LRCH1: variants seen among roughly 807,000 people sequenced by gnomAD.
LRCH1 encodes leucine-rich repeat and calponin homology domain-containing protein 1.
A neutral mutation model predicts 94.9 loss-of-function variants in LRCH1; 23 were observed. The observed-to-expected ratio is 0.24, with a 90% CI of 0.17 to 0.34. The LOEUF (loss-of-function observed/expected upper bound fraction) is 0.34. Ranked by LOEUF, LRCH1 falls within the 10% of genes least tolerant of loss-of-function variation. LRCH1 has a pLI of 1.00. For synonymous variants in LRCH1, 364 were observed against 354.9 expected (o/e 1.03, Z -0.29); for missense variants, 790 against 945.9 (o/e 0.84, Z 2.16).
rs777256195 is a variant in LRCH1 at position 46,711,817 on chromosome 13, T to C, written c.1554T>C (p.Ser518=). ...TGCAAAGTGATCTAACATTACAGAG[T>C]AACGGGAGCCAGTATTCTCCAAATG... is the stretch of plus-strand genomic sequence containing the variant. ...CEVQSDLTLQ[S]NGSQYSPNEI... is the part of the protein sequence containing the mutation. The change falls in exon 14 of 20, where the codon AGT becomes AGC. Residue 518 remains serine (S), a synonymous_variant. Transcript: ENST00000389797. 1 of 1,613,272 alleles carries C rather than the reference T, an allele frequency of 6.2e-7. No individual in the cohort carries two copies. The highest frequency in any genetic ancestry group is 8.5e-7 in the Non-Finnish European group (1 of 1,179,508).
At position 46,733,911 on chromosome 13, in the gene LRCH1, G is replaced by A; in HGVS notation, c.2008-10G>A. 1 of 1,553,688 alleles carries A rather than the reference G, an allele frequency of 6.4e-7. No individual in the cohort carries two copies. Among genetic ancestry groups the A allele is most frequent in the South Asian group, 1.2e-5 (1 of 83,344 alleles). ...AATAATATATTATTTCCGTATATTT[G>A]CATTTATAGCCCAAACTTAGCATGG... On this transcript the variant is annotated splice_polypyrimidine_tract_variant and intron_variant, in intron 18 of 19. Transcript: ENST00000389797.
intron 18 of LRCH1, chr13:46,750,449 A>C: frequency 2.2e-6 from 2 of 890,550 alleles, no homozygotes; most frequent in East Asian, 2.6e-5. Context: ...AGAGTATTCA[A>C]CCTAACTTTG....
At chr13:46,745,051 C>A, downstream of LRCH1, 1 of 352,336 alleles carries the variant, frequency 2.8e-6, no homozygotes, top group Non-Finnish European at 4.0e-6. Context: ...GTCACTGGGA[C>A]ACATGGCCTG....
chr13:46,596,718 G>T (rs749583821), intron 1 of LRCH1, among the ~76,000 whole-genome samples: 1 of 152,194 alleles, frequency 6.6e-6, no homozygotes, highest in Non-Finnish European at 1.5e-5. Flanking sequence ...CCCGTCATGG[G>T]TAGAGGAACA....
intron 1 of LRCH1, among the ~76,000 whole-genome samples, chr13:46,576,770 G>C (rs2050309402): frequency 6.6e-6 from 1 of 152,130 alleles, no homozygotes; most frequent in African/African-American, 2.4e-5. Context: ...GACTATGTTG[G>C]CATTTGTATT....
chr13:46,655,123 A>G (rs962884458), intron 2 of LRCH1, among the ~76,000 whole-genome samples: 1 of 133,032 alleles, frequency 7.5e-6, no homozygotes, highest in Non-Finnish European at 1.7e-5. Flanking sequence ...AATATTTGAT[A>G]GTGATGGTGA....
chr13:46,587,133 G>T (rs1451605256), intron 1 of LRCH1, among the ~76,000 whole-genome samples: 1 of 152,216 alleles, frequency 6.6e-6, no homozygotes, highest in Admixed American at 6.5e-5. Context: ...AGTTGTAAAT[G>T]ATGTAAAAAT....
chr13:46,718,677 TGAATCAGCTA>T (rs893417805), intron 16 of LRCH1, among the ~76,000 whole-genome samples: 1 of 152,220 alleles, frequency 6.6e-6, no homozygotes, highest in African/African-American at 2.4e-5. Flanking sequence ...AGGGAATGAA[TGAATCAGCTA>T]GTGAGAGTTC....
chr13:46,689,227 T>G (rs766958563), intron 7 of LRCH1, 31 bp downstream of exon 7: 18 of 1,575,082 alleles, frequency 1.1e-5, no homozygotes, highest in Non-Finnish European at 2.6e-6. Context: ...CTTTTCCTTC[T>G]GTACTTCTAG....
At chr13:46,665,998 T>C (rs1451821376) in intron 2 of LRCH1, among the ~76,000 whole-genome samples, 2 of 152,134 alleles carry the variant, frequency 1.3e-5, no homozygotes, top group African/African-American at 2.4e-5. Context: ...CCTTTTTCTA[T>C]TGGGGAAATT....
intron 1 of LRCH1, among the ~76,000 whole-genome samples, chr13:46,615,925 T>C (rs1386504375): frequency 6.6e-6 from 1 of 151,858 alleles, no homozygotes; most frequent in Non-Finnish European, 1.5e-5. Context: ...GTCCCTTTAC[T>C]GCCTTTCCTC....
chr13:46,567,983 CAT>C (rs2050203052), intron 1 of LRCH1, among the ~76,000 whole-genome samples: 1 of 152,116 alleles, frequency 6.6e-6, no homozygotes. Flanking sequence ...CAAGTGGTTC[CAT>C]AGTTTCTGTG....
At chr13:46,703,376 G>A (rs1487929949) in intron 11 of LRCH1, among the ~76,000 whole-genome samples, 2 of 152,144 alleles carry the variant, frequency 1.3e-5, no homozygotes, top group Non-Finnish European at 2.9e-5. Flanking sequence ...CTATAAGAGG[G>A]GGTGACAAGT....
At chr13:46,589,221 T>C (rs757408713) in intron 1 of LRCH1, among the ~76,000 whole-genome samples, 1 of 151,240 alleles carries the variant, frequency 6.6e-6, no homozygotes, top group Non-Finnish European at 1.5e-5. Context: ...TTTATTTCTA[T>C]AGAGAGAAAT....
At chr13:46,718,870 CTCAT>C (rs1438240639) in intron 16 of LRCH1, among the ~76,000 whole-genome samples, 1 of 152,180 alleles carries the variant, frequency 6.6e-6, no homozygotes. Context: ...GAAATCTCCT[CTCAT>C]TCAGTTAAAT....
At chr13:46,668,740 GTGGC>G (rs2138116463) in intron 2 of LRCH1, among the ~76,000 whole-genome samples, 1 of 145,760 alleles carries the variant, frequency 6.9e-6, no homozygotes, top group Non-Finnish European at 1.5e-5. Flanking sequence ...GGGTGGCGGG[GTGGC>G]GGGGGGACTT....
chr13:46,702,218 T>C (rs1251288976), intron 11 of LRCH1, among the ~76,000 whole-genome samples: 1 of 152,134 alleles, frequency 6.6e-6, no homozygotes, highest in Non-Finnish European at 1.5e-5. Context: ...TAAGTGTAAC[T>C]GGGCCAGGCG....
chr13:46,597,571 G>A (rs2050578654), intron 1 of LRCH1, among the ~76,000 whole-genome samples: 1 of 152,060 alleles, frequency 6.6e-6, no homozygotes, highest in South Asian at 2.1e-4. Flanking sequence ...CGAACAGGCT[G>A]GACTTGAACT....
intron 3 of LRCH1, among the ~76,000 whole-genome samples, chr13:46,673,118 G>A (rs2051623109): frequency 6.6e-6 from 1 of 152,092 alleles, no homozygotes; most frequent in African/African-American, 2.4e-5. Flanking sequence ...ATATTAATGA[G>A]ATATTTTAGG....
Sources: allele counts gnomAD v4.1 joint callset (sites outside exome capture counted in the v4.1 genomes callset), GRCh38; gene constraint gnomAD v4.1.1; transcripts MANE v1.5; gene names NCBI Gene and HGNC (gene_info 2026-07-23, HGNC 2026-07-21).